MST1: variants seen among roughly 807,000 people sequenced by gnomAD.
MST1 encodes macrophage stimulating 1, also known as hepatocyte growth factor-like protein.
Under a neutral mutation model 100.1 loss-of-function variants are expected in MST1, and 76 were observed. That is an observed-to-expected ratio of 0.76 (90% confidence interval 0.63 to 0.92). The LOEUF is 0.92. Among genes scored for constraint, MST1 ranks in the 40% least tolerant of loss-of-function variants. The pLI, the probability that MST1 is intolerant of heterozygous loss-of-function variation, is 0.00. For missense variants in MST1, 850 were observed against 990.0 expected (o/e 0.86, Z 1.90); for synonymous variants, 352 against 385.4 (o/e 0.91, Z 1.01).
chr3:49,688,486 G>GC, intron 1 of MST1, 112 bp downstream of exon 1: 2 of 982,458 alleles, frequency 2.0e-6, no homozygotes, highest in Admixed American at 4.9e-5. Context: ...CAAGGTCACT[G>GC]CCCCATGCCC....
chr3:49,688,415 T>C lies in MST1; in HGVS notation c.94+183A>G, dbSNP rs539773325. 7.0e-5 allele frequency: 42 copies of C among 597,180 alleles called. No homozygotes were observed. The East Asian group carries it at 1.0e-3, about 14-fold the overall frequency. The allele number at this position is 597,180 out of a possible 1,614,324, so 37.0% of individuals were successfully genotyped here. ...TTCAGTGCTAGAGCAGACGTGCTAATAGAGGCCTAAGTGGGCAATGTCTAT... is the reference window on the plus strand; with the variant it reads ...TTCAGTGCTAGAGCAGACGTGCTAACAGAGGCCTAAGTGGGCAATGTCTAT... On this transcript the variant is annotated intron_variant, in intron 1 of 17. Coordinates refer to ENST00000449682, the MANE Select transcript of MST1 (RefSeq NM_020998.4).
Position 49,685,029 on chromosome 3 carries a change from C to T in MST1, c.1605G>A (p.Arg535=). The T allele has an allele frequency of 6.2e-7, 1 of 1,611,586 alleles. No homozygotes were observed. Among genetic ancestry groups the T allele is most frequent in the Non-Finnish European group, 8.5e-7 (1 of 1,179,034 alleles). The change falls in exon 14 of 18, where the codon CGG becomes CGA. Residue 535 remains arginine, a synonymous_variant. Transcript: ENST00000449682. ...LVKEQWILTA[R]QCFSSCHMPL... ...AGGCTCACCAGGAGGAGAAGCACTGCCGGGCAGTCAGTATCCACTGCTCCT... is the reference window on the plus strand; with the variant it reads ...AGGCTCACCAGGAGGAGAAGCACTGTCGGGCAGTCAGTATCCACTGCTCCT...
Position 49,685,617 on chromosome 3 carries a change from A to C in MST1, c.1366T>G (p.Tyr456Asp). ...YTMDPRTPFD[Y>D]CALRRCADDQ... The stretch of plus-strand genomic sequence containing the variant: ...TCACCGCAGCGTCGCAGGGCACAGT[A>C]GTCGAATGGGGTCCTTGGGTCCATC... Residue 456 changes from tyrosine to aspartate, a missense_variant, in exon 11 of 18, where the codon TAC (tyrosine) becomes GAC (aspartate). By Grantham distance (160) the Tyr-to-Asp change is radical. This residue lies in a region of MST1 where 816 missense variants were observed against 924.6 expected (regional missense o/e 0.88). Transcript: ENST00000449682. 8 of 1,613,424 alleles carry C rather than the reference A, an allele frequency of 5.0e-6. No individual in the cohort carries two copies. The highest frequency in any genetic ancestry group is 6.8e-6 in the Non-Finnish European group (8 of 1,179,858).
rs746807255 is a variant in MST1 at position 49,684,464 on chromosome 3, G to C, written c.1877-11C>G. 17 of 1,613,420 alleles carry C rather than the reference G, an allele frequency of 1.1e-5. No homozygotes were observed. The highest frequency in any genetic ancestry group is 2.7e-5 in the African/African-American group (2 of 74,936). On this transcript the variant is annotated splice_polypyrimidine_tract_variant and intron_variant, in intron 16 of 17. Coordinates refer to ENST00000449682, the MANE Select transcript of MST1 (RefSeq NM_020998.4). The stretch of plus-strand genomic sequence containing the variant: ...TGTCATTACCCGTACCTGCAGTGAG[G>C]GGAATGGGGAGAGGGAGAGGGTCCT...
Position 49,685,311 on chromosome 3 carries a change from C to G in MST1, c.1495G>C (p.Val499Leu), listed in dbSNP as rs1326880456. The G allele has an allele frequency of 1.2e-6, 2 of 1,613,438 alleles. No individual in the cohort carries two copies. Among genetic ancestry groups the G allele is most frequent in the Non-Finnish European group, 1.7e-6 (2 of 1,179,872 alleles). ...GGTGAGTTGCCCGGATGGCCCCCAA[C>G]CACGCGCAGCTTGGAACGCCGCTGA... ...LDQRRSKLRV[V>L]GGHPGNSPWT... Residue 499 changes from valine (V) to leucine (L), a missense_variant, in exon 13 of 18, where the codon GTT becomes CTT. Val to Leu is a conservative substitution (Grantham distance 32). Transcript: ENST00000449682.
At position 49,684,065 on chromosome 3, in the gene MST1, AAC is replaced by A. The variant is rs1429953365; in HGVS notation, c.2139_2140del (p.Phe714CysfsTer?). 8 of 1,613,292 alleles carry A rather than the reference AAC, an allele frequency of 5.0e-6. No homozygotes were observed. Among genetic ancestry groups the A allele is most frequent in the Non-Finnish European group, 6.8e-6 (8 of 1,179,806 alleles). On this transcript the variant is annotated frameshift_variant, in exon 18 of 18. Coordinates refer to ENST00000449682, the MANE Select transcript of MST1 (RefSeq NM_020998.4). LOFTEE classifies it high-confidence loss of function. ...CATGACCTTGTGAATCCAGTCCACA[AAC>A]ACAGAGACACGCGTGAAGACAGCTG...
Position 49,687,493 on chromosome 3 carries a change from C to G in MST1, c.356-15G>C. On this transcript the variant is annotated splice_polypyrimidine_tract_variant and intron_variant, in intron 3 of 17. Coordinates refer to ENST00000449682, the MANE Select transcript of MST1 (RefSeq NM_020998.4). Reference sequence around the variant, plus strand: ...CCGTACGTAGTCTGGGAGCAAGAGACAGAAGATCAACTTGGGCTGAGGTCC... The same window carrying G: ...CCGTACGTAGTCTGGGAGCAAGAGAGAGAAGATCAACTTGGGCTGAGGTCC... 6.2e-7 allele frequency: 1 copy of G among 1,613,496 alleles called. No individual in the cohort carries two copies. The highest frequency in any genetic ancestry group is 8.5e-7 in the Non-Finnish European group (1 of 1,179,860).
In MST1 at chr3:49,684,022, C is replaced by T; in HGVS notation, c.*6G>A. On this transcript the variant is annotated 3_prime_UTR_variant, in exon 18 of 18. Coordinates refer to ENST00000449682, the MANE Select transcript of MST1 (RefSeq NM_020998.4). ...CTCCCCAAGGCATATGGCATCAAGG[C>T]TGGGCCTAACCCAGTCTCATGACCT... The T allele has an allele frequency of 6.2e-7, 1 of 1,611,704 alleles. No homozygotes were observed. The highest frequency in any genetic ancestry group is 8.5e-7 in the Non-Finnish European group (1 of 1,178,978).
At position 49,685,094 on chromosome 3, in the gene MST1, A is replaced by C. The variant is rs778160360; in HGVS notation, c.1545-5T>G. On this transcript the variant is annotated splice_polypyrimidine_tract_variant and splice_region_variant and intron_variant, in intron 13 of 17. Coordinates refer to ENST00000449682, the MANE Select transcript of MST1 (RefSeq NM_020998.4). ...CCGCAGAAATGCTGGCCCTGCCTAG[A>C]GGAGTGGGGAATTAGGACAGGTAAC... 2 of 1,609,894 alleles carry C rather than the reference A, an allele frequency of 1.2e-6. No individual in the cohort carries two copies. The highest frequency in any genetic ancestry group is 2.7e-5 in the African/African-American group (2 of 74,818).
Position 49,686,144 on chromosome 3 carries a change from G to A in MST1, c.1065C>T (p.Pro355=), listed in dbSNP as rs770730716. 88 of 1,611,346 alleles carry A rather than the reference G, an allele frequency of 5.5e-5. No individual in the cohort carries two copies. The highest frequency in any genetic ancestry group is 7.1e-5 in the Non-Finnish European group (84 of 1,179,570). The change falls in exon 9 of 18, where the codon CCC becomes CCT. Residue 355 remains proline, a synonymous_variant. Transcript: ENST00000449682. ...FCRNPDGSEA[P]WCFTLRPGMR... ...TGCCGGGCCGCAGTGTGAAGCACCA[G>A]GGCGCCTCTGAGCCGTCGGGGTTCC...
In MST1 at chr3:49,684,039, T is replaced by C. The variant is rs1204334830; in HGVS notation, c.2167A>G (p.Arg723Gly). The change falls in exon 18 of 18, where the codon AGA (arginine) becomes GGA (glycine). Residue 723 changes from arginine to glycine, a missense_variant. By Grantham distance (125) the Arg-to-Gly change is moderately radical (BLOSUM62 -2). Transcript: ENST00000449682. ...CATCAAGGCTGGGCCTAACCCAGTC[T>C]CATGACCTTGTGAATCCAGTCCACA... Reference protein sequence around the residue: ...VFVDWIHKVMRLG With the variant: ...VFVDWIHKVMGLG 2 of 1,613,254 alleles carry C rather than the reference T, an allele frequency of 1.2e-6. No individual in the cohort carries two copies. The highest frequency in any genetic ancestry group is 2.7e-5 in the African/African-American group (2 of 74,924).
Position 49,689,454 on chromosome 3 carries a change from G to A in MST1, c.-763C>T, listed in dbSNP as rs951352103. 15 of 152,440 alleles carry A rather than the reference G, an allele frequency of 9.8e-5. No homozygotes were observed. Among genetic ancestry groups the A allele is most frequent in the African/African-American group, 2.7e-4 (11 of 41,460 alleles). The allele number at this position is 152,440 out of a possible 1,614,324, so 9.4% of individuals were successfully genotyped here. The stretch of plus-strand genomic sequence containing the variant: ...AACAACCCGGTGGGAAGCCATGGAG[G>A]GGGTCCCCTAGCGGAGGCTGGGCGC... On this transcript the variant is annotated 5_prime_UTR_variant, in exon 1 of 18. Coordinates refer to ENST00000449682, the MANE Select transcript of MST1 (RefSeq NM_020998.4).
rs2053487231 is a variant in MST1, at chr3:49,684,160, A to G, written c.2046T>C (p.Phe682=). The G allele has an allele frequency of 1.9e-6, 3 of 1,613,114 alleles. No homozygotes were observed. The highest frequency in any genetic ancestry group is 2.5e-6 in the Non-Finnish European group (3 of 1,179,798). ...EGDYGGPLAC[F]THNCWVLEGI... is the part of the protein sequence containing the mutation. ...CTTCCAGGACCCAGCAGTTGTGGGT[A>G]AAGCAGGCAAGTGGGCCCCCGTAGT... Residue 682 remains phenylalanine, a synonymous_variant, in exon 18 of 18, where the codon TTT becomes TTC. Coordinates refer to ENST00000449682, the MANE Select transcript of MST1 (RefSeq NM_020998.4).
At position 49,684,048 on chromosome 3, in the gene MST1, T is replaced by C. The variant is rs2053477750; in HGVS notation, c.2158A>G (p.Lys720Glu). 1 of 1,613,454 alleles carries C rather than the reference T, an allele frequency of 6.2e-7. No individual in the cohort carries two copies. Among genetic ancestry groups the C allele is most frequent in the Non-Finnish European group, 8.5e-7 (1 of 1,179,786 alleles). Residue 720 changes from lysine (K) to glutamate (E), a missense_variant, in exon 18 of 18, where the codon AAG becomes GAG. This residue lies in a region of MST1 where 816 missense variants were observed against 924.6 expected (regional missense o/e 0.88). Coordinates refer to ENST00000449682, the MANE Select transcript of MST1 (RefSeq NM_020998.4). ...RVSVFVDWIH[K>E]VMRLG ...TGGGCCTAACCCAGTCTCATGACCTTGTGAATCCAGTCCACAAACACAGAG... is the reference window on the plus strand; with the variant it reads ...TGGGCCTAACCCAGTCTCATGACCTCGTGAATCCAGTCCACAAACACAGAG...
chr3:49,685,381 G>A lies in MST1; in HGVS notation c.1425C>T (p.Asp475=), dbSNP rs748245118. ...DQPPSILDPP[D]QVQFEKCGKR... ...TGCCACACTTCTCAAACTGCACCTG[G>A]TCTGTAGGATGGGGTGGGCTGGATG... The change falls in exon 13 of 18, where the codon GAC becomes GAT. Residue 475 remains aspartate, a splice_region_variant and synonymous_variant. Transcript: ENST00000449682. 12 of 1,613,754 alleles carry A rather than the reference G, an allele frequency of 7.4e-6. No individual in the cohort carries two copies. Among genetic ancestry groups the A allele is most frequent in the Non-Finnish European group, 1.0e-5 (12 of 1,179,864 alleles).
At position 49,685,717 on chromosome 3, in the gene MST1, G is replaced by A. The variant is rs200205622; in HGVS notation, c.1266C>T (p.Ser422=). 77 of 1,613,132 alleles carry A rather than the reference G, an allele frequency of 4.8e-5. No homozygotes were observed. The highest frequency in any genetic ancestry group is 3.3e-4 in the Middle Eastern group (2 of 6,078). The change falls in exon 11 of 18, where the codon TCC becomes TCT. Residue 422 remains serine, a synonymous_variant. Coordinates refer to ENST00000449682, the MANE Select transcript of MST1 (RefSeq NM_020998.4). The part of the protein sequence containing the change: ...TPHKPQFTFT[S]EPHAQLEENF... The stretch of plus-strand genomic sequence containing the variant: ...TCTCCTCCAGTTGTGCATGCGGTTC[G>A]GAGGTAAACGTGAACCTAGGCGGAA...
Position 49,686,347 on chromosome 3 carries a change from G to C in MST1, c.982C>G (p.Gln328Glu). Residue 328 changes from glutamine (Q) to glutamate (E), a missense_variant, in exon 8 of 18, where the codon CAG (glutamine) becomes GAG (glutamate). Transcript: ENST00000449682. Reference sequence around the variant, plus strand: ...TATTTTTCTGGCGTAAATCGGTGCTGATGCGGGATTTGCGCGTCCCAACGC... The same window carrying C: ...TATTTTTCTGGCGTAAATCGGTGCTCATGCGGGATTTGCGCGTCCCAACGC... ...CQRWDAQIPH[Q>E]HRFTPEKYAC... 1.3e-6 allele frequency: 2 copies of C among 1,591,388 alleles called. No individual in the cohort carries two copies. Among genetic ancestry groups the C allele is most frequent in the Non-Finnish European group, 1.7e-6 (2 of 1,174,760 alleles).
At position 49,687,888 on chromosome 3, in the gene MST1, G is replaced by T; in HGVS notation, c.104C>A (p.Ser35Ter). Reference protein sequence around the residue: ...TQCLGVPGQRSPLNDFQVLRG... With the variant: ...TQCLGVPGQR ...GAGCACTTGGAAGTCATTCAATGGCGAGCGCTGCCCTGCAGAGTAGGCATG... is the reference window on the plus strand; with the variant it reads ...GAGCACTTGGAAGTCATTCAATGGCTAGCGCTGCCCTGCAGAGTAGGCATG... Residue 35 changes from serine to a stop codon, truncating the protein, a stop_gained, in exon 2 of 18, where the codon TCG (serine) becomes TAG (stop). Transcript: ENST00000449682. LOFTEE classifies it high-confidence loss of function. 6.2e-7 allele frequency: 1 copy of T among 1,613,284 alleles called. No homozygotes were observed. Among genetic ancestry groups the T allele is most frequent in the South Asian group, 1.1e-5 (1 of 91,020 alleles).
At position 49,687,549 on chromosome 3, in the gene MST1, C is replaced by T; in HGVS notation, c.355+7G>A. 1 of 1,613,518 alleles carries T rather than the reference C, an allele frequency of 6.2e-7. No homozygotes were observed. Among genetic ancestry groups the T allele is most frequent in the East Asian group, 2.2e-5 (1 of 44,894 alleles). The stretch of plus-strand genomic sequence containing the variant: ...CTCCCACCCTGCCCCTCTCCACCCC[C>T]ACTTGCCTTTCTTCTGGAAGAGGTC... On this transcript the variant is annotated splice_region_variant and intron_variant, in intron 3 of 17. Transcript: ENST00000449682.
Sources: allele counts gnomAD v4.1 joint callset, GRCh38; gene constraint gnomAD v4.1.1; regional missense constraint gnomAD v4.1.1; transcripts MANE v1.5; gene names NCBI Gene and HGNC (gene_info 2026-07-23, HGNC 2026-07-21).